The following AGFG2 variants were observed in gnomAD, a reference collection of about 807,000 sequenced individuals.
AGFG2 encodes the protein ArfGAP with FG repeats 2, also known as arf-GAP domain and FG repeat-containing protein 2.
AGFG2 carries 31 observed loss-of-function variants against 48.0 expected under a neutral mutation model. That is an observed-to-expected ratio of 0.65 (90% CI 0.49 to 0.87). The LOEUF (loss-of-function observed/expected upper bound fraction) is 0.87, where lower values mean the gene tolerates loss of function less well. Among genes scored for constraint, AGFG2 ranks in the 40% least tolerant of loss-of-function variants. AGFG2 has a pLI of 0.00. For synonymous variants in AGFG2, 229 were observed against 260.8 expected (o/e 0.88, Z 1.18); for missense variants, 599 against 632.6 (o/e 0.95, Z 0.57).
rs200992157 is a variant in AGFG2, at chr7:100,554,110, C to T, written c.603C>T (p.His201=). ...CCTCCAAGCCCGTCAGTCAGTCTCA[C>T]GCTCGGACATCCCAGGCCCGGAGCA... ...STSSQPVSQS[H]ARTSQARSTQ... is the part of the protein sequence containing the mutation. Residue 201 remains histidine, a synonymous_variant, in exon 5 of 12, where the codon CAC becomes CAT. Transcript: ENST00000300176. 31 of 1,613,674 alleles carry T rather than the reference C, an allele frequency of 1.9e-5. No individual in the cohort carries two copies. The highest frequency in any genetic ancestry group is 6.7e-5 in the East Asian group (3 of 44,870).
chr7:100,551,030 T>TTATATATATATATATATA lies in AGFG2; in HGVS notation c.431+539_431+556dup, dbSNP rs373297543. ...GTGTGTGCCACCATGCCTGGCTAATTTATATATATATATATATATATATAT... is the reference window on the plus strand; with the variant it reads ...GTGTGTGCCACCATGCCTGGCTAATTTATATATATATATATATATATATATATATATATATATATATAT... On this transcript the variant is annotated intron_variant, in intron 3 of 11. Coordinates refer to ENST00000300176, the MANE Select transcript of AGFG2 (RefSeq NM_006076.5). Among the ~76,000 whole-genome samples, 99 of 55,974 alleles carry TTATATATATATATATATA rather than the reference T, an allele frequency of 1.8e-3. 1 individual carries two copies. The highest frequency in any genetic ancestry group is 3.3e-3 in the South Asian group (4 of 1,206). The allele number at this position is 55,974 out of a possible 152,430, so 36.7% of individuals were successfully genotyped here.
chr7:100,553,516 G>C lies in AGFG2; in HGVS notation c.585+16G>C. Reference sequence around the variant, plus strand: ...CTCGAGCCAGGTAACTCTCAGATCTGCTCGTCATGTTTCTTTTGAGATTTG... The same window carrying C: ...CTCGAGCCAGGTAACTCTCAGATCTCCTCGTCATGTTTCTTTTGAGATTTG... On this transcript the variant is annotated intron_variant, in intron 4 of 11. Transcript: ENST00000300176. 1 of 1,579,492 alleles carries C rather than the reference G, an allele frequency of 6.3e-7. No individual in the cohort carries two copies. The highest frequency in any genetic ancestry group is 8.6e-7 in the Non-Finnish European group (1 of 1,159,668).
chr7:100,540,234 G>A (rs771981989), intron 1 of AGFG2, among the ~76,000 whole-genome samples: 34 of 151,990 alleles, frequency 2.2e-4, no homozygotes, highest in Non-Finnish European at 4.3e-4. Flanking sequence ...GCTTTGAAAT[G>A]TTACCCAGAA....
intron 6 of AGFG2, among the ~76,000 whole-genome samples, chr7:100,559,471 C>T (rs1800820445): frequency 1.3e-5 from 2 of 152,052 alleles, no homozygotes; most frequent in African/African-American, 4.8e-5. Context: ...AAAACTGCTT[C>T]TCTCCCTCAA....
intron 6 of AGFG2, 152 bp downstream of exon 6, chr7:100,555,887 G>A (rs1027115788): frequency 9.1e-7 from 1 of 1,096,698 alleles, no homozygotes; most frequent in Admixed American, 2.5e-5. Flanking sequence ...GAGCGTGTCT[G>A]ACACATTCTT....
intron 6 of AGFG2, among the ~76,000 whole-genome samples, chr7:100,560,469 G>A (rs2131121642): frequency 6.6e-6 from 1 of 152,190 alleles, no homozygotes; most frequent in Non-Finnish European, 1.5e-5. Flanking sequence ...GTGAGCCACT[G>A]GGCCTGGCCC....
intron 5 of AGFG2, 146 bp downstream of exon 5, chr7:100,554,404 G>T: frequency 9.4e-7 from 1 of 1,068,970 alleles, no homozygotes. Context: ...TGGGAGGACT[G>T]GGGTCAAATA....
At chr7:100,563,106 G>A (rs1032948299) in intron 9 of AGFG2, among the ~76,000 whole-genome samples, 160 bp downstream of exon 9, 1 of 152,148 alleles carries the variant, frequency 6.6e-6, no homozygotes, top group Non-Finnish European at 1.5e-5. Context: ...TAGCACCCAG[G>A]TCACAGAGCC....
At position 100,565,503 on chromosome 7, in the gene AGFG2, C is replaced by T. The variant is rs1324538028; in HGVS notation, c.*512C>T. 2 of 154,258 alleles carry T rather than the reference C, an allele frequency of 1.3e-5. No homozygotes were observed. Among genetic ancestry groups the T allele is most frequent in the Non-Finnish European group, 2.9e-5 (2 of 69,210 alleles). The allele number at this position is 154,258 out of a possible 1,614,324, so 9.6% of individuals were successfully genotyped here. A position where few individuals can be genotyped will look rare whatever the true frequency, so the allele number is the denominator to read the frequency against. ...CAGCACCCCCTGCTGAAGGGGTCCC[C>T]CATTGTTTTGCTTCCCCAGCGCCCA... is the stretch of plus-strand genomic sequence containing the variant. On this transcript the variant is annotated 3_prime_UTR_variant, in exon 12 of 12. Transcript: ENST00000300176.
intron 1 of AGFG2, among the ~76,000 whole-genome samples, chr7:100,547,142 A>G (rs1234196179): frequency 6.6e-6 from 1 of 152,040 alleles, no homozygotes; most frequent in African/African-American, 2.4e-5. Context: ...TTCACTCTGT[A>G]CTGAGTCCGC....
At chr7:100,544,004 C>T (rs1003814981) in intron 1 of AGFG2, among the ~76,000 whole-genome samples, 4 of 152,124 alleles carry the variant, frequency 2.6e-5, no homozygotes, top group Admixed American at 2.0e-4. Flanking sequence ...AATCTTAAGA[C>T]GTGGTAAAAA....
intron 9 of AGFG2, among the ~76,000 whole-genome samples, chr7:100,563,538 CACAG>C (rs1160416076): frequency 6.6e-6 from 1 of 152,206 alleles, no homozygotes; most frequent in Non-Finnish European, 1.5e-5. Flanking sequence ...AGAACTGAAG[CACAG>C]ACAGCGTTAG....
chr7:100,555,660 G>A lies in AGFG2; in HGVS notation c.802G>A (p.Gly268Ser), dbSNP rs778683068. 28 of 1,614,052 alleles carry A rather than the reference G, an allele frequency of 1.7e-5. No homozygotes were observed. The highest frequency in any genetic ancestry group is 2.4e-5 in the Non-Finnish European group (28 of 1,179,952). Residue 268 changes from glycine (G) to serine (S), a missense_variant, in exon 6 of 12, where the codon GGC becomes AGC. Gly to Ser is a moderately conservative substitution (Grantham distance 56). Transcript: ENST00000300176. ...TGCCAACTTTGATGCCTTTAGCAGT[G>A]GCCCCAGCTCTTCTGTGTTTGGAAG... ...GFANFDAFSS[G>S]PSSSVFGSLP...
At chr7:100,551,064 ATATTTCTTT>A (rs1800630792) in intron 3 of AGFG2, among the ~76,000 whole-genome samples, 1 of 78,340 alleles carries the variant, frequency 1.3e-5, no homozygotes, top group African/African-American at 5.5e-5. Flanking sequence ...ATATATATAT[ATATTTCTTT>A]TTTTTTTTTT....
At position 100,562,214 on chromosome 7, in the gene AGFG2, T is replaced by C; in HGVS notation, c.878-45T>C. The C allele has an allele frequency of 6.3e-7, 1 of 1,596,394 alleles. No individual in the cohort carries two copies. Among genetic ancestry groups the C allele is most frequent in the Non-Finnish European group, 8.6e-7 (1 of 1,167,520 alleles). On this transcript the variant is annotated intron_variant, in intron 6 of 11. Transcript: ENST00000300176. This position sits in a 1 kb window ranked among gnomAD's most constrained non-coding sequence, Gnocchi z 5.4. ...ATCTGCTCTCCTGCCCCTCCCGCCC[T>C]GTCTTACCTCAGCTCTCCCTGTTGT...
intron 11 of AGFG2, among the ~76,000 whole-genome samples, chr7:100,564,570 C>T (rs1800965007): frequency 6.7e-6 from 1 of 150,056 alleles, no homozygotes; most frequent in Admixed American, 6.7e-5. Flanking sequence ...CAGGCCCAAT[C>T]TCAGCTCACC....
intron 1 of AGFG2, among the ~76,000 whole-genome samples, chr7:100,544,768 G>A (rs1331236299): frequency 2.0e-5 from 3 of 151,992 alleles, no homozygotes; most frequent in Admixed American, 2.0e-4. Flanking sequence ...GAGAGGTGAG[G>A]GCAGAGGGAG....
intron 3 of AGFG2, among the ~76,000 whole-genome samples, chr7:100,551,028 ATT>A (rs1210860618): frequency 3.8e-5 from 2 of 52,358 alleles, no homozygotes; most frequent in Non-Finnish European, 6.5e-5. Context: ...TGCCTGGCTA[ATT>A]TATATATATA....
At position 100,563,946 on chromosome 7, in the gene AGFG2, T is replaced by C; in HGVS notation, c.1284T>C (p.Leu428=). ...PAPLFPPQTP[L]VQQQNGSSFG... ...CGCTGTTCCCCCCGCAGACCCCGCTTGTTCAGCAGCAGAATGGTAAGAGCT... is the reference window on the plus strand; with the variant it reads ...CGCTGTTCCCCCCGCAGACCCCGCTCGTTCAGCAGCAGAATGGTAAGAGCT... Residue 428 remains leucine, a synonymous_variant, in exon 10 of 12, where the codon CTT becomes CTC. Coordinates refer to ENST00000300176, the MANE Select transcript of AGFG2 (RefSeq NM_006076.5). 1.9e-6 allele frequency: 3 copies of C among 1,607,970 alleles called. No homozygotes were observed. Among genetic ancestry groups the C allele is most frequent in the Non-Finnish European group, 2.5e-6 (3 of 1,179,976 alleles).
Sources: gnomAD v4.1 joint callset for allele counts (sites outside exome capture counted in the v4.1 genomes callset) on GRCh38, gnomAD v4.1.1 for gene constraint, Gnocchi (gnomAD v3.1) non-coding constraint, MANE v1.5 for transcripts, NCBI Gene and HGNC (gene_info 2026-07-23, HGNC 2026-07-21) for gene names.